The following GLIS3 variants were observed in gnomAD, a reference collection of about 807,000 sequenced individuals.
GLIS3 encodes the protein GLIS family zinc finger 3.
A neutral mutation model predicts 78.6 loss-of-function variants in GLIS3; 53 were observed. That is an observed-to-expected ratio of 0.67 (90% CI 0.54 to 0.85). GLIS3 has a LOEUF of 0.85. Among genes scored for constraint, GLIS3 ranks in the 40% least tolerant of loss-of-function variants. GLIS3 has a pLI of 0.00. For synonymous variants in GLIS3, 684 were observed against 509.9 expected (o/e 1.34, Z -4.60); for missense variants, 1,703 against 1,231.1 (o/e 1.38, Z -5.74).
At chr9:3,863,813 C>G (rs925443984) in intron 8 of GLIS3, among the ~76,000 whole-genome samples, 1 of 151,918 alleles carries the variant, frequency 6.6e-6, no homozygotes, top group Admixed American at 6.6e-5. Context: ...AATCAATGCC[C>G]AAGGCAGAGA....
At chr9:3,962,715 G>A (rs1183063357) in intron 4 of GLIS3, among the ~76,000 whole-genome samples, 1 of 152,150 alleles carries the variant, frequency 6.6e-6, no homozygotes, top group Non-Finnish European at 1.5e-5. Flanking sequence ...GGGGGAATGT[G>A]AAGTCCAGAA....
At chr9:4,285,370 G>A (rs973238348) in intron 2 of GLIS3, among the ~76,000 whole-genome samples, 2 of 152,006 alleles carry the variant, frequency 1.3e-5, no homozygotes, top group African/African-American at 2.4e-5. Flanking sequence ...AAACACTAAT[G>A]AATTAAAAGC....
chr9:4,434,539 T>C, the GLIS3 span, among the ~76,000 whole-genome samples: 3 of 152,116 alleles, frequency 2.0e-5, no homozygotes, highest in Non-Finnish European at 2.9e-5. Flanking sequence ...AAGCACGTGA[T>C]TATGGAGTGT....
chr9:3,885,650 C>G (rs1203857117), intron 7 of GLIS3, among the ~76,000 whole-genome samples: 1 of 152,116 alleles, frequency 6.6e-6, no homozygotes, highest in Non-Finnish European at 1.5e-5. Flanking sequence ...AATGAGCTTT[C>G]ACAGGGACAC....
chr9:3,971,203 C>A (rs1420439881), intron 4 of GLIS3, among the ~76,000 whole-genome samples: 1 of 152,132 alleles, frequency 6.6e-6, no homozygotes, highest in African/African-American at 2.4e-5. Context: ...TGTCACCCAC[C>A]CCTCTCAAAG....
intron 6 of GLIS3, among the ~76,000 whole-genome samples, chr9:3,902,296 T>C (rs1823363392): frequency 6.6e-6 from 1 of 152,164 alleles, no homozygotes; most frequent in African/African-American, 2.4e-5. Flanking sequence ...TATGGAAGTG[T>C]AGTGTCCCTC....
intron 7 of GLIS3, among the ~76,000 whole-genome samples, chr9:3,887,352 T>C (rs1822148909): frequency 6.6e-6 from 1 of 152,184 alleles, no homozygotes; most frequent in South Asian, 2.1e-4. Flanking sequence ...ATGGGAGAGC[T>C]ACCTGGCAAC....
intron 4 of GLIS3, among the ~76,000 whole-genome samples, chr9:3,988,735 A>C (rs1819977174): frequency 6.6e-6 from 1 of 152,094 alleles, no homozygotes; most frequent in African/African-American, 2.4e-5. Flanking sequence ...CTTGACCTAA[A>C]CCTCATACGT....
At chr9:4,262,712 C>G (rs1333970587) in intron 2 of GLIS3, among the ~76,000 whole-genome samples, 1 of 152,074 alleles carries the variant, frequency 6.6e-6, no homozygotes, top group Non-Finnish European at 1.5e-5. Context: ...TGCAGCTTTT[C>G]TAACTTTGGA....
rs558808846 is a variant in GLIS3 at position 3,937,266 on chromosome 9, T to C, written c.1711-77A>G. 165 of 1,415,282 alleles carry C rather than the reference T, an allele frequency of 1.2e-4. No homozygotes were observed. The African/African-American group carries it at 1.9e-3, about 16-fold the overall frequency. 87.7% of individuals were successfully genotyped at this position (1,415,282 alleles called of 1,614,324 possible). A position where few individuals can be genotyped will look rare whatever the true frequency, so the allele number is the denominator to read the frequency against. ...GTCTGGGGGACAGCTAAAAAAAAAATGTTCTTAGTTGGTACTTTGCCGAAA... is the reference window on the plus strand; with the variant it reads ...GTCTGGGGGACAGCTAAAAAAAAAACGTTCTTAGTTGGTACTTTGCCGAAA... On this transcript the variant is annotated intron_variant, in intron 4 of 10. Transcript: ENST00000381971.
chr9:4,165,313 T>C (rs1021540213), intron 2 of GLIS3, among the ~76,000 whole-genome samples: 12 of 152,218 alleles, frequency 7.9e-5, no homozygotes, highest in Admixed American at 7.2e-4. Context: ...TGGTGGCACA[T>C]GCCTGTAATC....
intron 2 of GLIS3, among the ~76,000 whole-genome samples, chr9:4,174,861 T>C (rs1376850247): frequency 2.0e-5 from 3 of 152,184 alleles, no homozygotes; most frequent in Non-Finnish European, 4.4e-5. Context: ...TCTGACCTGG[T>C]TTAATTTTAG....
chr9:4,430,027 T>C, the GLIS3 span, among the ~76,000 whole-genome samples: 14 of 130,538 alleles, frequency 1.1e-4, no homozygotes, highest in African/African-American at 4.9e-4. Flanking sequence ...CCTCTTTCTA[T>C]TAAACAAACA....
chr9:4,066,076 C>A (rs1199816088), intron 4 of GLIS3, among the ~76,000 whole-genome samples: 1 of 149,642 alleles, frequency 6.7e-6, no homozygotes, highest in Non-Finnish European at 1.5e-5. Flanking sequence ...AACTTAAATC[C>A]TTTAATGAAT....
At chr9:4,065,494 T>G (rs1827021818) in intron 4 of GLIS3, among the ~76,000 whole-genome samples, 1 of 152,228 alleles carries the variant, frequency 6.6e-6, no homozygotes, top group Admixed American at 6.5e-5. Flanking sequence ...AATATCAAAT[T>G]TGTTTGTTTT....
At chr9:4,249,623 C>T (rs1011160809) in intron 2 of GLIS3, among the ~76,000 whole-genome samples, 14 of 152,172 alleles carry the variant, frequency 9.2e-5, no homozygotes, top group African/African-American at 2.9e-4. Context: ...TTTCTCTTGC[C>T]TGACTTCCCT....
the GLIS3 span, among the ~76,000 whole-genome samples, chr9:4,377,889 A>G: frequency 1.3e-5 from 2 of 152,192 alleles, no homozygotes; most frequent in Non-Finnish European, 2.9e-5. Context: ...TGTAAAAAAC[A>G]TGCTCTTAGA....
At chr9:4,042,900 A>C (rs772577106) in intron 4 of GLIS3, among the ~76,000 whole-genome samples, 2 of 151,968 alleles carry the variant, frequency 1.3e-5, no homozygotes, top group Non-Finnish European at 1.5e-5. Flanking sequence ...TATTATGAGC[A>C]GAATGCAGCT....
chr9:4,232,392 AAAAAAAAAAGAAAAG>A (rs1822340217), intron 2 of GLIS3, among the ~76,000 whole-genome samples: 1 of 150,576 alleles, frequency 6.6e-6, no homozygotes, highest in Non-Finnish European at 1.5e-5. Context: ...TAAAAAAAAA[AAAAAAAAAAGAAAAG>A]AAAAAAAAAG....
Sources: gnomAD v4.1 joint callset for allele counts (sites outside exome capture counted in the v4.1 genomes callset) on GRCh38, gnomAD v4.1.1 for gene constraint, MANE v1.5 for transcripts, NCBI Gene and HGNC (gene_info 2026-07-23, HGNC 2026-07-21) for gene names.